TTC39C: variants seen among roughly 807,000 people sequenced by gnomAD.
TTC39C encodes the protein tetratricopeptide repeat domain 39C, also known as tetratricopeptide repeat protein 39C.
In TTC39C, 33 loss-of-function variants were observed where a neutral mutation model predicts 76.3. The ratio of observed to expected loss-of-function variants is 0.43; its 90% CI spans 0.33 to 0.58. TTC39C has a LOEUF of 0.58. Among genes scored for constraint, TTC39C ranks in the 20% least tolerant of loss-of-function variants. The pLI is 0.04. For synonymous variants in TTC39C, 254 were observed against 260.6 expected, an observed-to-expected ratio of 0.97 and a Z score of 0.24; for missense variants, 595 against 701.4, an observed-to-expected ratio of 0.85 and a Z score of 1.71.
chr18:24,083,605 C>T (rs1345267009), intron 6 of TTC39C, among the ~76,000 whole-genome samples: 1 of 152,080 alleles, frequency 6.6e-6, no homozygotes, highest in Non-Finnish European at 1.5e-5. Context: ...TCAGAACAAC[C>T]CTGTGACATA....
chr18:24,129,835 T>C (rs940331562), intron 11 of TTC39C, among the ~76,000 whole-genome samples: 1 of 151,724 alleles, frequency 6.6e-6, no homozygotes, highest in African/African-American at 2.4e-5. Context: ...TTTTAAATCC[T>C]AGATGATAAT....
intron 6 of TTC39C, among the ~76,000 whole-genome samples, chr18:24,090,450 T>G (rs1022150864): frequency 1.3e-5 from 2 of 152,206 alleles, no homozygotes; most frequent in African/African-American, 2.4e-5. Context: ...TTAACATTTT[T>G]AAAAATACTG....
intron 1 of TTC39C, among the ~76,000 whole-genome samples, chr18:24,059,153 G>A (rs766513343): frequency 5.9e-5 from 9 of 152,080 alleles, no homozygotes; most frequent in East Asian, 5.8e-4. Flanking sequence ...CTTTGTTGCT[G>A]TTCTTCAGAT....
At chr18:24,114,165 A>G (rs2084858371) in intron 6 of TTC39C, 1 of 256,246 alleles carries the variant, frequency 3.9e-6, no homozygotes, top group Non-Finnish European at 7.6e-6. Flanking sequence ...TTAGCAAACA[A>G]TTAAAATCCA....
intron 1 of TTC39C, among the ~76,000 whole-genome samples, chr18:24,051,010 C>T (rs567810548): frequency 6.6e-6 from 1 of 152,078 alleles, no homozygotes; most frequent in East Asian, 1.9e-4. Flanking sequence ...GTGCTAGAAA[C>T]GCATCAGTCA....
At chr18:24,103,643 A>G (rs1425049867) in intron 6 of TTC39C, among the ~76,000 whole-genome samples, 1 of 152,100 alleles carries the variant, frequency 6.6e-6, no homozygotes, top group Non-Finnish European at 1.5e-5. Context: ...TCACTTTCTT[A>G]TACTATATGG....
At chr18:24,122,500 CA>C (rs36002596) in intron 8 of TTC39C, among the ~76,000 whole-genome samples, 2 of 51,052 alleles carry the variant, frequency 3.9e-5, no homozygotes, top group African/African-American at 9.9e-5. Flanking sequence ...GACTCCATCT[CA>C]AAAAAAAAAA....
chr18:24,117,325 G>A (rs1339518523), intron 7 of TTC39C, among the ~76,000 whole-genome samples: 1 of 152,134 alleles, frequency 6.6e-6, no homozygotes, highest in African/African-American at 2.4e-5. Context: ...GGAAGGTGGG[G>A]TTCTTTCACT....
At chr18:24,118,966 T>C (rs2084932277) in intron 8 of TTC39C, among the ~76,000 whole-genome samples, 1 of 152,176 alleles carries the variant, frequency 6.6e-6, no homozygotes, top group South Asian at 2.1e-4. Flanking sequence ...TGTGCTAGTA[T>C]TTTTGTTTGG....
At chr18:24,094,741 A>G (rs2084567889) in intron 6 of TTC39C, among the ~76,000 whole-genome samples, 1 of 152,256 alleles carries the variant, frequency 6.6e-6, no homozygotes, top group South Asian at 2.1e-4. Flanking sequence ...TGTGCTTAAA[A>G]TACTGAGTAA....
At chr18:24,095,748 G>C (rs1448315874) in intron 6 of TTC39C, among the ~76,000 whole-genome samples, 1 of 152,084 alleles carries the variant, frequency 6.6e-6, no homozygotes, top group Non-Finnish European at 1.5e-5. Context: ...TCACAGCTTG[G>C]CTAACTGGCA....
At chr18:24,130,878 T>C (rs1219022807) in intron 12 of TTC39C, among the ~76,000 whole-genome samples, 2 of 151,658 alleles carry the variant, frequency 1.3e-5, no homozygotes. Flanking sequence ...ATAGTAAAAA[T>C]ACAGTTTTTA....
chr18:24,070,740 G>A lies in TTC39C; in HGVS notation c.460+1469G>A, dbSNP rs560287603. Among the ~76,000 whole-genome samples the A allele has an allele frequency of 1.5e-3, 226 of 152,084 alleles. 1 individual carries two copies. Among genetic ancestry groups the A allele is most frequent in the African/African-American group, 5.4e-3 (224 of 41,510 alleles). ...TCGCTGTAATCCCAGCTACTTGGGAGGCTGAGGCAGGAGAATCGCTTGAAC... is the reference window on the plus strand; with the variant it reads ...TCGCTGTAATCCCAGCTACTTGGGAAGCTGAGGCAGGAGAATCGCTTGAAC... On this transcript the variant is annotated intron_variant, in intron 4 of 13. Transcript: ENST00000317571.
intron 9 of TTC39C, chr18:24,124,149 C>T (rs754132717): frequency 8.7e-5 from 36 of 415,056 alleles, no homozygotes; most frequent in Non-Finnish European, 2.5e-5. Flanking sequence ...ATAATGAAAG[C>T]AGATTTTTAA....
chr18:24,021,194 C>T (rs1354148106), intron 1 of TTC39C, among the ~76,000 whole-genome samples: 1 of 152,170 alleles, frequency 6.6e-6, no homozygotes, highest in Admixed American at 6.5e-5. Context: ...ATGAATTGAT[C>T]TACTTCAAAA....
intron 1 of TTC39C, among the ~76,000 whole-genome samples, chr18:24,021,539 CTTT>C (rs60505555): frequency 0.21 from 25,402 of 118,164 alleles, 2,947 homozygotes; most frequent in East Asian, 0.55. Flanking sequence ...TTCTTTCCTT[CTTT>C]TTTTTTTTTT....
intron 4 of TTC39C, among the ~76,000 whole-genome samples, chr18:24,079,695 A>G (rs12454107): frequency 0.11 from 16,631 of 152,164 alleles, 1,829 homozygotes; most frequent in African/African-American, 0.28. Context: ...CTTTTTTGAT[A>G]ATAAACTGGC....
At chr18:24,001,624 C>G (rs1014572128) in intron 1 of TTC39C, 4 of 152,360 alleles carry the variant, frequency 2.6e-5, no homozygotes, top group Non-Finnish European at 5.9e-5. Context: ...CTTCACAGCT[C>G]TGCCTCCATC....
chr18:24,077,901 A>C (rs2084326240), intron 4 of TTC39C, among the ~76,000 whole-genome samples: 1 of 152,222 alleles, frequency 6.6e-6, no homozygotes, highest in South Asian at 2.1e-4. Flanking sequence ...AGTATAAAAG[A>C]AGCTTCAAGG....
Sources: allele counts gnomAD v4.1 joint callset (sites outside exome capture counted in the v4.1 genomes callset), GRCh38; gene constraint gnomAD v4.1.1; transcripts MANE v1.5; gene names NCBI Gene and HGNC (gene_info 2026-07-23, HGNC 2026-07-21).